MICAL2: variants seen among roughly 807,000 people sequenced by gnomAD.
The protein encoded by MICAL2 is [F-actin]-monooxygenase MICAL2.
A neutral mutation model predicts 127.3 loss-of-function variants in MICAL2; 77 were observed. The ratio of observed to expected loss-of-function variants is 0.60; its 90% CI spans 0.50 to 0.73. The LOEUF (loss-of-function observed/expected upper bound fraction) is 0.73, where lower values mean the gene tolerates loss of function less well. Among genes scored for constraint, MICAL2 ranks in the 30% least tolerant of loss-of-function variants. The pLI is 0.00. For synonymous variants in MICAL2, 570 were observed against 551.1 expected, an observed-to-expected ratio of 1.03 and a Z score of -0.48; for missense variants, 1,351 against 1,434.4, an observed-to-expected ratio of 0.94 and a Z score of 0.94.
chr11:12,244,377 C>A (rs1323472853), intron 21 of MICAL2, among the ~76,000 whole-genome samples: 1 of 152,220 alleles, frequency 6.6e-6, no homozygotes, highest in Non-Finnish European at 1.5e-5. Context: ...CCCTTCGTGC[C>A]AGATGCTGAG....
intron 34 of MICAL2, among the ~76,000 whole-genome samples, chr11:12,355,679 C>T (rs1233538409): frequency 7.9e-5 from 12 of 152,150 alleles, no homozygotes. Context: ...TAGGTATTTT[C>T]GCGCCCAATT....
rs1169124772 is a variant in MICAL2 at position 12,131,251 on chromosome 11, C to A, written c.-148-7139C>A. On this transcript the variant is annotated intron_variant, in intron 1 of 27. Transcript: ENST00000683283. ...GAGCTTGCAGTGAGCCGAGATTGCG[C>A]CACTGCAGTCCACAGTCCGGCCTGG... 2.5e-4 allele frequency among the ~76,000 whole-genome samples: 8 copies of A among 31,894 alleles called. 3 individuals carry two copies. Among genetic ancestry groups the A allele is most frequent in the Non-Finnish European group, 7.6e-4 (7 of 9,234 alleles). The allele number at this position is 31,894 out of a possible 152,430, so 20.9% of individuals were successfully genotyped here. A position where few individuals can be genotyped will look rare whatever the true frequency, so the allele number is the denominator to read the frequency against.
chr11:12,349,918 G>T lies in MICAL2; in HGVS notation c.5596G>T (p.Glu1866Ter). Residue 1866 changes from glutamate to a stop codon, truncating the protein, a stop_gained, in exon 33 of 35, where the codon GAG (glutamate) becomes TAG (stop). Transcript: ENST00000646065. LOFTEE classifies it high-confidence loss of function. ...GGAGAAGAATAAATTAATGCGATAT[G>T]AGTCGGAGCTCCTAATCATGTAAGT... is the stretch of plus-strand genomic sequence containing the variant. The T allele has an allele frequency of 6.2e-7, 1 of 1,613,976 alleles. No homozygotes were observed. The highest frequency in any genetic ancestry group is 1.1e-5 in the South Asian group (1 of 91,072).
intron 2 of MICAL2, among the ~76,000 whole-genome samples, chr11:12,160,826 T>C (rs1854698879): frequency 6.6e-6 from 1 of 152,218 alleles, no homozygotes; most frequent in Admixed American, 6.5e-5. Context: ...CCTTGAGTGG[T>C]GCCCGACTCT....
At chr11:12,281,991 C>G (rs1469502217) in intron 2 of MICAL2, among the ~76,000 whole-genome samples, 2 of 152,158 alleles carry the variant, frequency 1.3e-5, no homozygotes, top group African/African-American at 4.8e-5. Context: ...CCTTAGTTGC[C>G]CTGGGAGAGC....
intron 29 of MICAL2, among the ~76,000 whole-genome samples, chr11:12,306,714 A>G (rs1313957876): frequency 2.0e-5 from 3 of 152,160 alleles, no homozygotes; most frequent in Non-Finnish European, 2.9e-5. Flanking sequence ...ATCATACAGC[A>G]TGTTGTCTTT....
chr11:12,264,385 G>T (rs1434282767), downstream of MICAL2, among the ~76,000 whole-genome samples: 3 of 152,148 alleles, frequency 2.0e-5, no homozygotes, highest in Non-Finnish European at 2.9e-5. Context: ...ATGGTGTGAG[G>T]CCCTGCCCTA....
At chr11:12,325,115 G>T (rs1223802300) in intron 31 of MICAL2, among the ~76,000 whole-genome samples, 2 of 151,784 alleles carry the variant, frequency 1.3e-5, no homozygotes, top group African/African-American at 4.8e-5. Context: ...TTGTTTTTTG[G>T]TTTTTTATTT....
intron 2 of MICAL2, among the ~76,000 whole-genome samples, chr11:12,157,982 T>C (rs1854374218): frequency 6.6e-6 from 1 of 152,194 alleles, no homozygotes; most frequent in Non-Finnish European, 1.5e-5. Context: ...GGAAGTGAGT[T>C]TGAACTCAGA....
At chr11:12,120,028 G>A (rs1462065124) in intron 1 of MICAL2, among the ~76,000 whole-genome samples, 1 of 152,194 alleles carries the variant, frequency 6.6e-6, no homozygotes, top group Non-Finnish European at 1.5e-5. Flanking sequence ...TGCGTGTACC[G>A]AAGGACAGAG....
rs548289362 is a variant in MICAL2, at chr11:12,328,383, C to T, written c.5515+1117C>T. On this transcript the variant is annotated intron_variant, in intron 32 of 34. Coordinates refer to the MICAL2 transcript ENST00000646065. ...TCTTGGGGCGAGGGAAGCCATCAAGCAAGGCTTCTGGGAAGGGGTGATCTA... is the reference window on the plus strand; with the variant it reads ...TCTTGGGGCGAGGGAAGCCATCAAGTAAGGCTTCTGGGAAGGGGTGATCTA... 4.6e-5 allele frequency among the ~76,000 whole-genome samples: 7 copies of T among 152,186 alleles called. No homozygotes were observed. In the East Asian group the frequency reaches 9.7e-4, roughly 21 times the overall value.
At chr11:12,155,099 C>G (rs1564948) in intron 2 of MICAL2, among the ~76,000 whole-genome samples, 105,653 of 152,066 alleles carry the variant, frequency 0.69, 37,041 homozygotes, top group Middle Eastern at 0.83. Context: ...GCGGTGCAAG[C>G]TGAGGGCTGG....
intron 2 of MICAL2, among the ~76,000 whole-genome samples, chr11:12,285,313 T>A (rs774128762): frequency 4.4e-4 from 67 of 152,208 alleles, no homozygotes; most frequent in Non-Finnish European, 9.0e-4. Context: ...AGCCTCAAGA[T>A]GCAATTTGGG....
intron 26 of MICAL2, chr11:12,261,499 G>A: frequency 1.0e-6 from 1 of 985,476 alleles, no homozygotes; most frequent in Non-Finnish European, 1.2e-6. Flanking sequence ...GCAGGGTCTG[G>A]CTGAACAATC....
At chr11:12,248,811 C>T (rs1030138836) in intron 21 of MICAL2, among the ~76,000 whole-genome samples, 10 of 152,252 alleles carry the variant, frequency 6.6e-5, no homozygotes, top group Non-Finnish European at 1.2e-4. Context: ...CTCACTGTTC[C>T]TCCTTCTATC....
In MICAL2 at chr11:12,213,301, C is replaced by T. The variant is rs566823182; in HGVS notation, c.738C>T (p.Thr246=). ...EFRGKLAIAI[T]ANFINRNSTA... is the part of the protein sequence containing the mutation. Reference sequence around the variant, plus strand: ...GTGGGAAGCTGGCGATTGCCATCACCGCCAACTTCATAAACAGAAACAGCA... The same window carrying T: ...GTGGGAAGCTGGCGATTGCCATCACTGCCAACTTCATAAACAGAAACAGCA... The change falls in exon 7 of 28, where the codon ACC becomes ACT. Residue 246 remains threonine, a synonymous_variant. Coordinates refer to ENST00000683283, the MANE Select transcript of MICAL2 (RefSeq NM_001282663.2). 18 of 1,613,408 alleles carry T rather than the reference C, an allele frequency of 1.1e-5. No homozygotes were observed. The highest frequency in any genetic ancestry group is 8.8e-5 in the South Asian group (8 of 91,024).
At chr11:12,207,575 C>G (rs1854868640) in intron 4 of MICAL2, 1 of 154,232 alleles carries the variant, frequency 6.5e-6, no homozygotes, top group African/African-American at 2.4e-5. Flanking sequence ...AGGCGTAGGC[C>G]CCATGTAATG....
chr11:12,182,531 G>A (rs1010739542), intron 3 of MICAL2, among the ~76,000 whole-genome samples: 5 of 152,110 alleles, frequency 3.3e-5, no homozygotes, highest in East Asian at 1.9e-4. Flanking sequence ...TGTCAGAAAC[G>A]TAAATTCCTC....
chr11:12,125,771 C>T (rs577066460), intron 1 of MICAL2, among the ~76,000 whole-genome samples: 2 of 152,280 alleles, frequency 1.3e-5, no homozygotes, highest in Middle Eastern at 3.4e-3. Context: ...AGAGTGGGGA[C>T]GTGGTAGGTA....
Sources: gnomAD v4.1 joint callset for allele counts (sites outside exome capture counted in the v4.1 genomes callset) on GRCh38, gnomAD v4.1.1 for gene constraint, MANE v1.5 for transcripts, NCBI Gene and HGNC (gene_info 2026-07-23, HGNC 2026-07-21) for gene names.